The following TRAPPC9 variants were observed in gnomAD, a reference collection of about 807,000 sequenced individuals.
TRAPPC9 encodes the protein IKK2 binding protein.
In TRAPPC9, 83 loss-of-function variants were observed where a neutral mutation model predicts 124.0. The observed-to-expected ratio is 0.67, with a 90% CI of 0.56 to 0.80. TRAPPC9 has a LOEUF of 0.80. Ranked by LOEUF, TRAPPC9 falls within the 30% of genes least tolerant of loss-of-function variation. TRAPPC9 has a pLI of 0.00. For missense variants in TRAPPC9, 1,302 were observed against 1,508.3 expected, an observed-to-expected ratio of 0.86 and a Z score of 2.27; for synonymous variants, 638 against 617.5, an observed-to-expected ratio of 1.03 and a Z score of -0.49.
chr8:139,773,438 A>C (rs771842653), intron 21 of TRAPPC9, among the ~76,000 whole-genome samples: 2 of 152,132 alleles, frequency 1.3e-5, no homozygotes, highest in African/African-American at 2.4e-5. Flanking sequence ...TGGGTGGGGG[A>C]ATCAGCAGCC....
chr8:140,025,565 C>CAAAA (rs11329773), intron 17 of TRAPPC9, among the ~76,000 whole-genome samples: 1 of 123,850 alleles, frequency 8.1e-6, no homozygotes. Flanking sequence ...AAGCAAAATG[C>CAAAA]AAAAAAAAAA....
At chr8:140,010,362 G>A (rs1027431836) in intron 18 of TRAPPC9, among the ~76,000 whole-genome samples, 9 of 152,072 alleles carry the variant, frequency 5.9e-5, no homozygotes, top group African/African-American at 1.9e-4. Flanking sequence ...ACTGAAGCCC[G>A]AATGAAGCCA....
intron 19 of TRAPPC9, among the ~76,000 whole-genome samples, chr8:139,917,410 G>A (rs1832222886): frequency 3.9e-5 from 6 of 152,076 alleles, no homozygotes; most frequent in Admixed American, 3.3e-4. Context: ...TCGATCTCCT[G>A]ACCTTGTGAT....
At chr8:140,458,503 G>A (rs1179749927), upstream of TRAPPC9, 1 of 1,580,244 alleles carries the variant, frequency 6.3e-7, no homozygotes, top group Non-Finnish European at 8.6e-7. Context: ...TGAGGTGCGA[G>A]CCCCAGCCTG....
intron 17 of TRAPPC9, among the ~76,000 whole-genome samples, chr8:140,139,246 C>T (rs2061347623): frequency 1.3e-5 from 2 of 152,144 alleles, no homozygotes; most frequent in South Asian, 4.1e-4. Flanking sequence ...CATCCCTGGC[C>T]TGGCACATTC....
rs777068566 is a variant in TRAPPC9 at position 140,104,035 on chromosome 8, C to A, written c.2557-79956G>T. On this transcript the variant is annotated intron_variant, in intron 17 of 22. Coordinates refer to ENST00000438773, the MANE Select transcript of TRAPPC9 (RefSeq NM_001160372.4). The surrounding 1 kb of genome is among the most constrained non-coding windows in gnomAD (Gnocchi z 4.0). ...TGCATCTCTAAATCCAGACGCTGGA[C>A]CATCCCTTTGCTTCCTATGTTTATT... Among the ~76,000 whole-genome samples, 11 of 152,214 alleles carry A rather than the reference C, an allele frequency of 7.2e-5. No individual in the cohort carries two copies. The highest frequency in any genetic ancestry group is 2.7e-4 in the African/African-American group (11 of 41,450).
In TRAPPC9 at chr8:140,032,085, A is replaced by C. The variant is rs1436605151; in HGVS notation, c.2557-8006T>G. Among the ~76,000 whole-genome samples, 3 of 152,128 alleles carry C rather than the reference A, an allele frequency of 2.0e-5. No individual in the cohort carries two copies. In the East Asian group the frequency reaches 5.8e-4, roughly 29 times the overall value. On this transcript the variant is annotated intron_variant, in intron 17 of 22. Transcript: ENST00000438773. Reference sequence around the variant, plus strand: ...TGCACTTACGCTCCAGCCAAATTTCACCTTCTCTGAGAAGTCTTTCCAGCG... The same window carrying C: ...TGCACTTACGCTCCAGCCAAATTTCCCCTTCTCTGAGAAGTCTTTCCAGCG...
In TRAPPC9 at chr8:139,791,045, C is replaced by T. The variant is rs541736909; in HGVS notation, c.3056-58843G>A. Among the ~76,000 whole-genome samples the T allele has an allele frequency of 4.6e-5, 7 of 152,270 alleles. No individual in the cohort carries two copies. The South Asian group carries it at 1.0e-3, about 23-fold the overall frequency. On this transcript the variant is annotated intron_variant, in intron 21 of 22. Transcript: ENST00000438773. ...ATGCTTCCTGGACAGCCTGCAGAACCACGAGCCAATTCACCCTCCTTTCTT... is the reference window on the plus strand; with the variant it reads ...ATGCTTCCTGGACAGCCTGCAGAACTACGAGCCAATTCACCCTCCTTTCTT...
chr8:140,007,679 C>CT (rs1020260876), intron 18 of TRAPPC9, among the ~76,000 whole-genome samples: 2 of 151,988 alleles, frequency 1.3e-5, no homozygotes, highest in African/African-American at 2.4e-5. Flanking sequence ...GCATGGTATA[C>CT]TTTTTTTTAA....
intron 17 of TRAPPC9, among the ~76,000 whole-genome samples, chr8:140,152,355 C>CT (rs34124150): frequency 0.073 from 6,858 of 93,862 alleles, 644 homozygotes; most frequent in African/African-American, 0.12. Context: ...ATATTGCCAT[C>CT]TTTTTTTTTT....
chr8:140,273,675 T>G (rs2065031265), intron 15 of TRAPPC9, among the ~76,000 whole-genome samples: 3 of 152,138 alleles, frequency 2.0e-5, no homozygotes, highest in Admixed American at 2.0e-4. Flanking sequence ...CTGCCTGGCT[T>G]TCATTGTTGG....
chr8:140,257,398 T>C lies in TRAPPC9; in HGVS notation c.2279-4469A>G, dbSNP rs550733416. ...TGAGCCAACCTGTCCACCTTCCTTC[T>C]ACTTCTCCTCCAATGGCACTCGGAG... On this transcript the variant is annotated intron_variant, in intron 15 of 22. Transcript: ENST00000438773. The surrounding 1 kb of genome is among the most constrained non-coding windows in gnomAD (Gnocchi z 4.6). 6.6e-5 allele frequency among the ~76,000 whole-genome samples: 10 copies of C among 152,314 alleles called. No individual in the cohort carries two copies. The South Asian group carries it at 2.1e-3, about 32-fold the overall frequency.
At chr8:140,396,850 C>T (rs1228033833) in intron 7 of TRAPPC9, among the ~76,000 whole-genome samples, 1 of 152,156 alleles carries the variant, frequency 6.6e-6, no homozygotes, top group Admixed American at 6.5e-5. Flanking sequence ...ACCTGTACCT[C>T]CAATTTTTTT....
intron 16 of TRAPPC9, among the ~76,000 whole-genome samples, chr8:140,242,635 A>T (rs1282043187): frequency 6.6e-6 from 1 of 152,264 alleles, no homozygotes; most frequent in African/African-American, 2.4e-5. Flanking sequence ...CATGGAATTC[A>T]AGACCGGAAA....
intron 21 of TRAPPC9, among the ~76,000 whole-genome samples, chr8:139,771,720 C>T (rs566866994): frequency 4.6e-5 from 7 of 152,318 alleles, no homozygotes; most frequent in South Asian, 2.1e-4. Flanking sequence ...AGAATCTGCG[C>T]GTCAGTGATT....
At chr8:140,315,610 T>C (rs574835517) in intron 9 of TRAPPC9, among the ~76,000 whole-genome samples, 44 of 152,304 alleles carry the variant, frequency 2.9e-4, no homozygotes, top group African/African-American at 8.4e-4. Context: ...CCTTGAGTTA[T>C]TACTTTGGTC....
chr8:140,378,715 T>C (rs1299512634), intron 7 of TRAPPC9, among the ~76,000 whole-genome samples: 2 of 152,222 alleles, frequency 1.3e-5, no homozygotes, highest in Non-Finnish European at 2.9e-5. Flanking sequence ...ACGTGTCGTT[T>C]AGGGGATCTT....
chr8:140,185,283 G>A (rs772785203), intron 17 of TRAPPC9, among the ~76,000 whole-genome samples: 8 of 152,210 alleles, frequency 5.3e-5, no homozygotes, highest in African/African-American at 1.2e-4. Flanking sequence ...ACACACGCAC[G>A]TGGAGTCAGA....
In TRAPPC9 at chr8:140,353,318, C is replaced by G. The variant is rs529895557; in HGVS notation, c.1495+6732G>C. Among the ~76,000 whole-genome samples the G allele has an allele frequency of 3.3e-5, 5 of 151,984 alleles. No individual in the cohort carries two copies. The highest frequency in any genetic ancestry group is 5.9e-5 in the Non-Finnish European group (4 of 67,948). ...CTGGCCCCCTCCCATCTCATGGGAC[C>G]CCCCCCTTTCGTCACTCCTCAGTCT... is the stretch of plus-strand genomic sequence containing the variant. On this transcript the variant is annotated intron_variant, in intron 9 of 22. Coordinates refer to ENST00000438773, the MANE Select transcript of TRAPPC9 (RefSeq NM_001160372.4). The surrounding 1 kb of genome is among the most constrained non-coding windows in gnomAD (Gnocchi z 4.2).
Sources: gnomAD v4.1 joint callset for allele counts (sites outside exome capture counted in the v4.1 genomes callset) on GRCh38, gnomAD v4.1.1 for gene constraint, Gnocchi (gnomAD v3.1) non-coding constraint, MANE v1.5 for transcripts, NCBI Gene and HGNC (gene_info 2026-07-23, HGNC 2026-07-21) for gene names.